LRRC28: variants seen among roughly 807,000 people sequenced by gnomAD.
LRRC28 encodes leucine rich repeat containing 28, also known as leucine-rich repeat-containing protein 28.
LRRC28 carries 39 observed loss-of-function variants against 45.7 expected under a neutral mutation model. The observed-to-expected ratio is 0.85, with a 90% CI of 0.66 to 1.12. LRRC28 has a LOEUF of 1.12. Among genes scored for constraint, LRRC28 ranks in the 50% most tolerant of loss-of-function variants. LRRC28 has a pLI of 0.00. For synonymous variants in LRRC28, 206 were observed against 178.8 expected, an observed-to-expected ratio of 1.15 and a Z score of -1.22; for missense variants, 435 against 438.5, an observed-to-expected ratio of 0.99 and a Z score of 0.07.
chr15:99,334,224 G>A, intron 6 of LRRC28, 95 bp downstream of exon 6: 1 of 1,390,186 alleles, frequency 7.2e-7, no homozygotes, highest in Non-Finnish European at 1.0e-6. Context: ...CCTTCCTTCT[G>A]TTTATCTTGA....
chr15:99,321,395 A>G (rs1210507571), intron 5 of LRRC28, among the ~76,000 whole-genome samples: 4 of 152,198 alleles, frequency 2.6e-5, no homozygotes, highest in Non-Finnish European at 5.9e-5. Flanking sequence ...CAGATCACAC[A>G]CACAAATTTG....
intron 5 of LRRC28, among the ~76,000 whole-genome samples, chr15:99,302,175 C>T (rs1342322906): frequency 3.3e-5 from 5 of 150,192 alleles, no homozygotes; most frequent in South Asian, 2.1e-4. Flanking sequence ...CACAGGTGCC[C>T]GCCACCATGC....
chr15:99,386,712 A>G lies in LRRC28; in HGVS notation c.*610A>G, dbSNP rs1958003944. 6.6e-6 allele frequency: 1 copy of G among 152,266 alleles called. No individual in the cohort carries two copies. The allele number at this position is 152,266 out of a possible 1,614,324, so 9.4% of individuals were successfully genotyped here. ...AGTTCCAGCCTTGTTTATACGTTCT[A>G]CAGTGTAGCAACAGACTTTTGTGAG... On this transcript the variant is annotated 3_prime_UTR_variant, in exon 10 of 10. Transcript: ENST00000301981.
intron 5 of LRRC28, chr15:99,320,559 A>G (rs1388256761): frequency 2.0e-5 from 3 of 152,200 alleles, no homozygotes; most frequent in Non-Finnish European, 4.4e-5. Context: ...CATGTTATGC[A>G]CTTGGAATTA....
chr15:99,338,755 C>T (rs1430247740), intron 6 of LRRC28, among the ~76,000 whole-genome samples: 1 of 152,184 alleles, frequency 6.6e-6, no homozygotes, highest in Non-Finnish European at 1.5e-5. Flanking sequence ...GAGACACCAC[C>T]TGTAAGGATG....
At chr15:99,319,457 A>G (rs1424065344) in intron 5 of LRRC28, among the ~76,000 whole-genome samples, 1 of 152,200 alleles carries the variant, frequency 6.6e-6, no homozygotes, top group African/African-American at 2.4e-5. Context: ...ATCAAAGACA[A>G]TATATCTGAA....
intron 5 of LRRC28, among the ~76,000 whole-genome samples, chr15:99,325,120 C>T (rs903544300): frequency 6.6e-6 from 1 of 152,068 alleles, no homozygotes; most frequent in Non-Finnish European, 1.5e-5. Flanking sequence ...CGGTATTTTG[C>T]AGTTTGTAGC....
At chr15:99,263,356 G>T (rs901215322) in intron 2 of LRRC28, among the ~76,000 whole-genome samples, 2 of 149,944 alleles carry the variant, frequency 1.3e-5, no homozygotes, top group African/African-American at 4.9e-5. Flanking sequence ...TAAGAAACAT[G>T]ATTTTGCTTC....
intron 2 of LRRC28, among the ~76,000 whole-genome samples, chr15:99,268,526 C>A (rs927382385): frequency 1.3e-5 from 2 of 152,084 alleles, no homozygotes; most frequent in Non-Finnish European, 2.9e-5. Context: ...ATTTTTCAGG[C>A]ATTCACTTTA....
At chr15:99,293,757 G>C (rs2082196531) in intron 5 of LRRC28, among the ~76,000 whole-genome samples, 1 of 151,910 alleles carries the variant, frequency 6.6e-6, no homozygotes, top group Non-Finnish European at 1.5e-5. Context: ...AAAGCACTGA[G>C]ATTACTGGTG....
intron 9 of LRRC28, among the ~76,000 whole-genome samples, chr15:99,381,221 T>A (rs530800498): frequency 6.6e-6 from 1 of 152,162 alleles, no homozygotes; most frequent in African/African-American, 2.4e-5. Context: ...CTTGGAGGCT[T>A]TGTTTGTTTC....
chr15:99,272,035 T>G (rs1224722596), intron 2 of LRRC28, among the ~76,000 whole-genome samples: 3 of 152,244 alleles, frequency 2.0e-5, no homozygotes, highest in East Asian at 3.8e-4. Context: ...TTTAAGTTGT[T>G]GATCCATTTT....
intron 7 of LRRC28, among the ~76,000 whole-genome samples, chr15:99,358,728 A>G (rs1957115996): frequency 6.6e-6 from 1 of 152,194 alleles, no homozygotes; most frequent in South Asian, 2.1e-4. Context: ...ATTTGGAAAA[A>G]AAAAGCTATG....
chr15:99,285,426 G>C (rs993629326), intron 3 of LRRC28: 45 of 767,900 alleles, frequency 5.9e-5, no homozygotes, highest in Non-Finnish European at 8.9e-5. Context: ...TGGCGTGCTT[G>C]GTGTTGGGAT....
chr15:99,343,795 G>A (rs1281842316), intron 6 of LRRC28, among the ~76,000 whole-genome samples: 2 of 152,202 alleles, frequency 1.3e-5, no homozygotes, highest in African/African-American at 4.8e-5. Context: ...TAATTATTGA[G>A]TGAAGGGTTT....
At chr15:99,286,313 G>A (rs2081958019) in intron 3 of LRRC28, among the ~76,000 whole-genome samples, 1 of 152,174 alleles carries the variant, frequency 6.6e-6, no homozygotes, top group African/African-American at 2.4e-5. Context: ...TTGTATTTTA[G>A]TAGAGATGGG....
At chr15:99,266,092 A>AT (rs368751503) in intron 2 of LRRC28, among the ~76,000 whole-genome samples, 7 of 152,238 alleles carry the variant, frequency 4.6e-5, no homozygotes, top group African/African-American at 1.7e-4. Flanking sequence ...CAGTTAATCT[A>AT]TGCAACAAGA....
Position 99,256,039 on chromosome 15 carries a change from C to T in LRRC28, c.82C>T (p.His28Tyr), listed in dbSNP as rs544188222. The stretch of plus-strand genomic sequence containing the variant: ...TTTGTTCTTAAATTATAGGAATCTG[C>T]ACCATTTTCCATTGGAGTTACTGAA... ...KNLFLNYRNLHHFPLELLKDE... is the reference protein window; with the variant it reads ...KNLFLNYRNLYHFPLELLKDE... Residue 28 changes from histidine to tyrosine, a missense_variant, in exon 2 of 10, where the codon CAC (histidine) becomes TAC (tyrosine). Physicochemically the swap from His to Tyr is moderately conservative, Grantham distance 83. Coordinates refer to ENST00000301981, the MANE Select transcript of LRRC28 (RefSeq NM_144598.5). The T allele has an allele frequency of 1.2e-6, 2 of 1,613,842 alleles. No individual in the cohort carries two copies. The highest frequency in any genetic ancestry group is 1.7e-5 in the Admixed American group (1 of 60,020).
chr15:99,373,905 C>A (rs1429930546), intron 9 of LRRC28, among the ~76,000 whole-genome samples: 3 of 152,146 alleles, frequency 2.0e-5, no homozygotes, highest in African/African-American at 7.2e-5. Flanking sequence ...CTATATAAAT[C>A]TCTGTTAATA....
Sources: allele counts gnomAD v4.1 joint callset (sites outside exome capture counted in the v4.1 genomes callset), GRCh38; gene constraint gnomAD v4.1.1; transcripts MANE v1.5; gene names NCBI Gene and HGNC (gene_info 2026-07-23, HGNC 2026-07-21).